Variants in CACNB2 observed in about 807,000 individuals in gnomAD.
CACNB2 encodes the protein voltage-dependent L-type calcium channel subunit beta-2.
CACNB2 carries 42 observed loss-of-function variants against 73.3 expected under a neutral mutation model. That is an observed-to-expected ratio of 0.57 (90% CI 0.45 to 0.74). The LOEUF is 0.74. CACNB2 is among the 30% of genes least tolerant of loss of function. CACNB2 has a pLI of 0.00. For missense variants in CACNB2, 940 were observed against 853.0 expected (o/e 1.10, Z -1.27); for synonymous variants, 348 against 310.3 (o/e 1.12, Z -1.28).
At chr10:18,261,904 G>T in intron 2 of CACNB2, 1 of 517,716 alleles carries the variant, frequency 1.9e-6, no homozygotes, top group Non-Finnish European at 3.9e-6. Context: ...ATTCTACAAG[G>T]CAGGCTCACA....
intron 2 of CACNB2, among the ~76,000 whole-genome samples, chr10:18,266,271 G>C (rs575276143): frequency 8.5e-5 from 13 of 152,276 alleles, no homozygotes; most frequent in African/African-American, 3.1e-4. Flanking sequence ...ACTGCCAAAG[G>C]CCACAGAGTC....
rs187024873 is a variant in CACNB2, at chr10:18,243,844, A to G, written c.213+92869A>G. Among the ~76,000 whole-genome samples, 10 of 152,340 alleles carry G rather than the reference A, an allele frequency of 6.6e-5. No homozygotes were observed. In the East Asian group the frequency reaches 1.9e-3, roughly 29 times the overall value. On this transcript the variant is annotated intron_variant, in intron 2 of 13. Transcript: ENST00000324631. ...TCCAACCACCAGAATCATGAGCCAA[A>G]TAAACCTCTTTTCTTTATAAATAAC...
At position 18,314,359 on chromosome 10, in the gene CACNB2, A is replaced by T. The variant is rs78834171; in HGVS notation, c.214-87565A>T. On this transcript the variant is annotated intron_variant, in intron 2 of 13. Coordinates refer to ENST00000324631, the MANE Select transcript of CACNB2 (RefSeq NM_201596.3). Reference sequence around the variant, plus strand: ...TGAATTGTTCATTTTGGATAAGGAGATTACAAAGATGTTTGACTCTGTTCA... The same window carrying T: ...TGAATTGTTCATTTTGGATAAGGAGTTTACAAAGATGTTTGACTCTGTTCA... 5.1e-4 allele frequency among the ~76,000 whole-genome samples: 77 copies of T among 152,300 alleles called. No homozygotes were observed. In the East Asian group the frequency reaches 0.014, roughly 27 times the overall value.
intron 2 of CACNB2, among the ~76,000 whole-genome samples, chr10:18,159,188 A>G (rs931910457): frequency 2.0e-5 from 3 of 151,994 alleles, no homozygotes; most frequent in East Asian, 1.9e-4. Context: ...CTTTATTTTT[A>G]TGATTCCACA....
chr10:18,182,998 C>CT (rs113393018), intron 2 of CACNB2, among the ~76,000 whole-genome samples: 54 of 146,834 alleles, frequency 3.7e-4, no homozygotes, highest in South Asian at 8.7e-4. Flanking sequence ...ATTGTAACAT[C>CT]TTTTTTTTTT....
At chr10:18,479,735 C>T (rs2048627491) in intron 3 of CACNB2, among the ~76,000 whole-genome samples, 1 of 152,130 alleles carries the variant, frequency 6.6e-6, no homozygotes, top group African/African-American at 2.4e-5. Flanking sequence ...CTCTCTTGCT[C>T]TCCTGTGATA....
At chr10:18,295,123 G>T (rs78666377) in intron 2 of CACNB2, among the ~76,000 whole-genome samples, 1 of 152,150 alleles carries the variant, frequency 6.6e-6, no homozygotes, top group Non-Finnish European at 1.5e-5. Context: ...GAGAAGTTAG[G>T]AGCAATTTTA....
At chr10:18,510,932 A>G (rs1210223062) in intron 6 of CACNB2, among the ~76,000 whole-genome samples, 3 of 152,204 alleles carry the variant, frequency 2.0e-5, no homozygotes, top group Non-Finnish European at 4.4e-5. Context: ...CGCTGACAAC[A>G]TGCTGCTTGA....
intron 4 of CACNB2, 29 bp downstream of exon 4, chr10:18,498,506 G>T (rs775984401): frequency 5.6e-6 from 9 of 1,611,180 alleles, no homozygotes. Flanking sequence ...TTTTCTAACA[G>T]CATGATGTTT....
At chr10:18,354,934 T>TA (rs34491805) in intron 2 of CACNB2, among the ~76,000 whole-genome samples, 68,672 of 152,012 alleles carry the variant, frequency 0.45, 16,136 homozygotes, top group African/African-American at 0.51. Flanking sequence ...TTTGAGTACT[T>TA]ACGTAGGCTA....
chr10:18,412,767 A>C (rs2044707261), intron 3 of CACNB2, among the ~76,000 whole-genome samples: 1 of 152,204 alleles, frequency 6.6e-6, no homozygotes, highest in East Asian at 1.9e-4. Flanking sequence ...CCAAATGCTC[A>C]GGCCTTGGCC....
chr10:18,471,523 TG>T (rs2048187697), intron 3 of CACNB2, among the ~76,000 whole-genome samples: 1 of 152,226 alleles, frequency 6.6e-6, no homozygotes, highest in Non-Finnish European at 1.5e-5. Flanking sequence ...CTGCAGCCAC[TG>T]GTTTTTGTGA....
chr10:18,430,439 A>G (rs555649258), intron 3 of CACNB2, among the ~76,000 whole-genome samples: 73 of 152,228 alleles, frequency 4.8e-4, no homozygotes, highest in African/African-American at 1.7e-3. Flanking sequence ...CACCTGCACT[A>G]CATAGGGAGA....
At chr10:18,187,778 G>A (rs1018800308) in intron 2 of CACNB2, among the ~76,000 whole-genome samples, 2 of 152,096 alleles carry the variant, frequency 1.3e-5, no homozygotes, top group African/African-American at 2.4e-5. Flanking sequence ...GAGTGTTTTC[G>A]ATATGACACG....
At chr10:18,281,680 G>T (rs2038553110) in intron 2 of CACNB2, among the ~76,000 whole-genome samples, 1 of 152,104 alleles carries the variant, frequency 6.6e-6, no homozygotes, top group South Asian at 2.1e-4. Context: ...TCCTGGAATG[G>T]ATGTTTCTGG....
At chr10:18,426,660 C>T (rs6482409) in intron 3 of CACNB2, among the ~76,000 whole-genome samples, 133,895 of 152,038 alleles carry the variant, frequency 0.88, 59,182 homozygotes, top group East Asian at 0.96. Context: ...GGCAACCTGG[C>T]GAGAATGTGT....
Position 18,278,032 on chromosome 10 carries a change from C to A in CACNB2, c.214-123892C>A, listed in dbSNP as rs545168838. Among the ~76,000 whole-genome samples, 12 of 152,240 alleles carry A rather than the reference C, an allele frequency of 7.9e-5. No homozygotes were observed. In the South Asian group the frequency reaches 2.5e-3, roughly 32 times the overall value. Reference sequence around the variant, plus strand: ...GTAGTATACAGAAATGGATATTTTTCAGGCTAATGGATAAAGATATGTGTT... The same window carrying A: ...GTAGTATACAGAAATGGATATTTTTAAGGCTAATGGATAAAGATATGTGTT... On this transcript the variant is annotated intron_variant, in intron 2 of 13. Transcript: ENST00000324631.
Position 18,333,789 on chromosome 10 carries a change from A to G in CACNB2, c.214-68135A>G, listed in dbSNP as rs759624701. ...GTGTGATCAAGGGAATTTTTTCACA[A>G]TCCTCTATGGTTGGATAAATAGACT... On this transcript the variant is annotated intron_variant, in intron 2 of 13. Transcript: ENST00000324631. Among the ~76,000 whole-genome samples, 10 of 152,324 alleles carry G rather than the reference A, an allele frequency of 6.6e-5. No homozygotes were observed. The East Asian group carries it at 7.7e-4, about 12-fold the overall frequency.
At chr10:18,158,169 GT>G (rs769231288) in intron 2 of CACNB2, among the ~76,000 whole-genome samples, 20 of 152,138 alleles carry the variant, frequency 1.3e-4, no homozygotes, top group Non-Finnish European at 2.5e-4. Flanking sequence ...CTGTTTTGAG[GT>G]TTGGCGGAGG....
Sources: gnomAD v4.1 joint callset for allele counts (sites outside exome capture counted in the v4.1 genomes callset) on GRCh38, gnomAD v4.1.1 for gene constraint, MANE v1.5 for transcripts, NCBI Gene and HGNC (gene_info 2026-07-23, HGNC 2026-07-21) for gene names.